C18orf32: variants seen among roughly 807,000 people sequenced by gnomAD.
C18orf32 encodes UPF0729 protein C18orf32.
Under a neutral mutation model 7.4 loss-of-function variants are expected in C18orf32, and 5 were observed. That is an observed-to-expected ratio of 0.68 (90% CI 0.35 to 1.42). The LOEUF is 1.42. Among genes scored for constraint, C18orf32 ranks in the 40% most tolerant of loss-of-function variants. The probability of loss-of-function intolerance (pLI) is 0.04; values close to 1 mark genes in which losing one functional copy is unlikely to be tolerated. For synonymous variants in C18orf32, 30 were observed against 29.3 expected (o/e 1.02, Z -0.08); for missense variants, 88 against 92.4 (o/e 0.95, Z 0.19).
In C18orf32 at chr18:49,479,408, C is replaced by T. The variant is rs2083642894; in HGVS notation, c.*2937G>A. The T allele has an allele frequency of 6.6e-6, 1 of 152,286 alleles. No individual in the cohort carries two copies. The highest frequency in any genetic ancestry group is 2.1e-4 in the South Asian group (1 of 4,836). The allele number at this position is 152,286 out of a possible 1,614,324, so 9.4% of individuals were successfully genotyped here. A position where few individuals can be genotyped will look rare whatever the true frequency, so the allele number is the denominator to read the frequency against. ...ATGGGGAGAAGGTAAACTGGTCACT[C>T]CAGGAAGACACCACCTGTATATTAA... On this transcript the variant is annotated 3_prime_UTR_variant, in exon 3 of 3. Coordinates refer to ENST00000318240, the MANE Select transcript of C18orf32 (RefSeq NM_001035005.4).
intron 2 of C18orf32, among the ~76,000 whole-genome samples, chr18:49,482,768 C>A (rs1300585362): frequency 6.8e-6 from 1 of 146,486 alleles, no homozygotes; most frequent in African/African-American, 2.5e-5. Flanking sequence ...ATTATTACAA[C>A]AAAAAGATAT....
chr18:49,482,304 G>A lies in C18orf32; in HGVS notation c.*41C>T. Reference sequence around the variant, plus strand: ...ACAAGGAAGATGCTTCATATTATCAGGTCCATTTTTTAAATGATGGGGTCC... The same window carrying A: ...ACAAGGAAGATGCTTCATATTATCAAGTCCATTTTTTAAATGATGGGGTCC... On this transcript the variant is annotated 3_prime_UTR_variant, in exon 3 of 3. Coordinates refer to ENST00000318240, the MANE Select transcript of C18orf32 (RefSeq NM_001035005.4). 7.4e-7 allele frequency: 1 copy of A among 1,353,954 alleles called. No homozygotes were observed. The highest frequency in any genetic ancestry group is 1.1e-6 in the Non-Finnish European group (1 of 944,652). The allele number at this position is 1,353,954 out of a possible 1,614,324, so 83.9% of individuals were successfully genotyped here.
intron 2 of C18orf32, 115 bp downstream of exon 2, chr18:49,483,469 G>T (rs1011122324): frequency 9.1e-6 from 12 of 1,318,990 alleles, no homozygotes; most frequent in Non-Finnish European, 1.2e-5. Flanking sequence ...TAAGCCAAAT[G>T]TTACACAAAC....
intron 1 of C18orf32, among the ~76,000 whole-genome samples, chr18:49,484,132 A>C (rs537176302): frequency 1.6e-5 from 1 of 63,280 alleles, no homozygotes; most frequent in African/African-American, 5.4e-5. Context: ...TTGTCTCAAA[A>C]AAAGAAAAAA....
chr18:49,481,114 T>G lies in C18orf32; in HGVS notation c.*1231A>C, dbSNP rs1227223853. On this transcript the variant is annotated 3_prime_UTR_variant, in exon 3 of 3. Coordinates refer to ENST00000318240, the MANE Select transcript of C18orf32 (RefSeq NM_001035005.4). Reference sequence around the variant, plus strand: ...AATAGTATTTATACCTTAAAAAAGTTTATTTGCTAATGAGAATTTATCTTA... The same window carrying G: ...AATAGTATTTATACCTTAAAAAAGTGTATTTGCTAATGAGAATTTATCTTA... 1 of 152,216 alleles carries G rather than the reference T, an allele frequency of 6.6e-6. No individual in the cohort carries two copies. The highest frequency in any genetic ancestry group is 1.5e-5 in the Non-Finnish European group (1 of 68,032). 9.4% of individuals were successfully genotyped at this position (152,216 alleles called of 1,614,324 possible). A position where few individuals can be genotyped will look rare whatever the true frequency, so the allele number is the denominator to read the frequency against.
rs1456691999 is a variant in C18orf32, at chr18:49,487,146, G to A, written c.-127C>T. On this transcript the variant is annotated 5_prime_UTR_variant, in exon 1 of 3. Transcript: ENST00000318240. Reference sequence around the variant, plus strand: ...GCCTAGGACTCTGCGAGCGCGGCCCGGGCTGGGCCTGCGGAGCAGCTACAA... The same window carrying A: ...GCCTAGGACTCTGCGAGCGCGGCCCAGGCTGGGCCTGCGGAGCAGCTACAA... The A allele has an allele frequency of 6.6e-6, 1 of 152,550 alleles. No homozygotes were observed. Among genetic ancestry groups the A allele is most frequent in the Non-Finnish European group, 1.5e-5 (1 of 68,328 alleles). The allele number at this position is 152,550 out of a possible 1,614,324, so 9.4% of individuals were successfully genotyped here.
chr18:49,482,464 T>A, intron 2 of C18orf32, 54 bp from the exon 3 acceptor site: 1 of 1,309,450 alleles, frequency 7.6e-7, no homozygotes. Context: ...TGCGGTGGCT[T>A]ATGCCTGTAA....
chr18:49,477,790 A>ACAAT lies in C18orf32; in HGVS notation c.*4554_*4555insATTG, dbSNP rs1452116366. 1 of 100,682 alleles carries ACAAT rather than the reference A, an allele frequency of 9.9e-6. No homozygotes were observed. Among genetic ancestry groups the ACAAT allele is most frequent in the African/African-American group, 4.6e-5 (1 of 21,604 alleles). 6.2% of individuals were successfully genotyped at this position (100,682 alleles called of 1,614,324 possible). ...AACTCCATCTTCCAAAAACAAACAAACAAACAAAAATATATATATATACAC... is the reference window on the plus strand; with the variant it reads ...AACTCCATCTTCCAAAAACAAACAAACAATCAAACAAAAATATATATATATACAC... On this transcript the variant is annotated 3_prime_UTR_variant, in exon 3 of 3. Transcript: ENST00000318240.
rs759291520 is a variant in C18orf32, at chr18:49,483,659, G to A, written c.90C>T (p.Pro30=). The change falls in exon 2 of 3, where the codon CCC becomes CCT. Residue 30 remains proline (P), a synonymous_variant. Coordinates refer to ENST00000318240, the MANE Select transcript of C18orf32 (RefSeq NM_001035005.4). ...TCTTAGGCCATATACGACTAACGAA[G>A]GGGGAAACCAGAGGGTATATATATG... The part of the protein sequence containing the change: ...LEPYIYPLVS[P]FVSRIWPKKA... 5.6e-6 allele frequency: 9 copies of A among 1,613,704 alleles called. No individual in the cohort carries two copies. In the South Asian group the frequency reaches 7.7e-5, roughly 14 times the overall value.
chr18:49,486,812 G>A (rs1230559703), intron 1 of C18orf32, among the ~76,000 whole-genome samples: 1 of 152,164 alleles, frequency 6.6e-6, no homozygotes, highest in Admixed American at 6.6e-5. Flanking sequence ...AGCGGGGACA[G>A]GTTGAGTCAA....
At chr18:49,486,697 CAGTT>C (rs1421683378) in intron 1 of C18orf32, 3 of 152,056 alleles carry the variant, frequency 2.0e-5, no homozygotes, top group African/African-American at 7.2e-5. Context: ...ACAGAGTAGA[CAGTT>C]AAAGTCTGAG....
At chr18:49,483,800 G>A (rs2083697771) in intron 1 of C18orf32, 29 bp from the exon 2 acceptor site, 3 of 1,579,262 alleles carry the variant, frequency 1.9e-6, no homozygotes, top group African/African-American at 1.4e-5. Flanking sequence ...AAAAAAATTA[G>A]TTCATCACAG....
rs914215812 is a variant in C18orf32, at chr18:49,478,834, T to C, written c.*3511A>G. ...CAAAATAAGAAAAATATGAACAAAA[T>C]AGTGAATTTTTCATAAAATTAACAC... On this transcript the variant is annotated 3_prime_UTR_variant, in exon 3 of 3. Transcript: ENST00000318240. 10 of 144,766 alleles carry C rather than the reference T, an allele frequency of 6.9e-5. 1 individual carries two copies. Among genetic ancestry groups the C allele is most frequent in the Admixed American group, 6.7e-4 (10 of 14,966 alleles). 9.0% of individuals were successfully genotyped at this position (144,766 alleles called of 1,614,324 possible).
In C18orf32 at chr18:49,477,799, A is replaced by AAT. The variant is rs1555768267; in HGVS notation, c.*4544_*4545dup. 10 of 140,656 alleles carry AAT rather than the reference A, an allele frequency of 7.1e-5. No homozygotes were observed. Among genetic ancestry groups the AAT allele is most frequent in the East Asian group, 2.0e-4 (1 of 5,082 alleles). 8.7% of individuals were successfully genotyped at this position (140,656 alleles called of 1,614,324 possible). A position where few individuals can be genotyped will look rare whatever the true frequency, so the allele number is the denominator to read the frequency against. On this transcript the variant is annotated 3_prime_UTR_variant, in exon 3 of 3. Coordinates refer to ENST00000318240, the MANE Select transcript of C18orf32 (RefSeq NM_001035005.4). ...TTCCAAAAACAAACAAACAAACAAA[A>AAT]ATATATATATATACACACACTATAT...
At chr18:49,483,874 C>G (rs377452792) in intron 1 of C18orf32, 103 bp from the exon 2 acceptor site, 1 of 1,348,526 alleles carries the variant, frequency 7.4e-7, no homozygotes, top group Non-Finnish European at 1.0e-6. Flanking sequence ...TGGTGGCTCA[C>G]GCCTGTAATC....
rs1193367786 is a variant in C18orf32, at chr18:49,483,694, A to AT, written c.54dup (p.Phe19IlefsTer15). ...AGAGGGTATATATATGGCTCCAGGA[A>AT]TTTTTTGTAGATCCAGAGCAGAACT... On this transcript the variant is annotated frameshift_variant, in exon 2 of 3. Coordinates refer to ENST00000318240, the MANE Select transcript of C18orf32 (RefSeq NM_001035005.4). LOFTEE classifies it high-confidence loss of function. 1 of 1,613,796 alleles carries AT rather than the reference A, an allele frequency of 6.2e-7. No homozygotes were observed. The highest frequency in any genetic ancestry group is 8.5e-7 in the Non-Finnish European group (1 of 1,179,968).
rs1415125701 is a variant in C18orf32 at position 49,482,191 on chromosome 18, GATATC to G, written c.*149_*153del. 7 of 648,544 alleles carry G rather than the reference GATATC, an allele frequency of 1.1e-5. No individual in the cohort carries two copies. Among genetic ancestry groups the G allele is most frequent in the East Asian group, 2.7e-5 (1 of 37,456 alleles). The allele number at this position is 648,544 out of a possible 1,614,324, so 40.2% of individuals were successfully genotyped here. ...TATAACTAACTACATTTTAAATACGGATATCATATATTTCCTGATTAGTATCAGGT... is the reference window on the plus strand; with the variant it reads ...TATAACTAACTACATTTTAAATACGGATATATTTCCTGATTAGTATCAGGT... On this transcript the variant is annotated 3_prime_UTR_variant, in exon 3 of 3. Transcript: ENST00000318240.
In C18orf32 at chr18:49,480,753, AGAGT is replaced by A. The variant is rs1481914648; in HGVS notation, c.*1588_*1591del. Reference sequence around the variant, plus strand: ...GCTGCTGCACTCCAGCTTGAGTGACAGAGTGAGACCCTGTCTCAAAAACATAAAT... The same window carrying A: ...GCTGCTGCACTCCAGCTTGAGTGACAGAGACCCTGTCTCAAAAACATAAAT... On this transcript the variant is annotated 3_prime_UTR_variant, in exon 3 of 3. Transcript: ENST00000318240. 2.6e-5 allele frequency: 4 copies of A among 152,222 alleles called. No individual in the cohort carries two copies. Among genetic ancestry groups the A allele is most frequent in the Non-Finnish European group, 4.4e-5 (3 of 68,038 alleles). The allele number at this position is 152,222 out of a possible 1,614,324, so 9.4% of individuals were successfully genotyped here.
At position 49,481,548 on chromosome 18, in the gene C18orf32, T is replaced by C. The variant is rs753318952; in HGVS notation, c.*797A>G. 6.9e-6 allele frequency: 1 copy of C among 145,460 alleles called. No individual in the cohort carries two copies. Among genetic ancestry groups the C allele is most frequent in the Admixed American group, 7.2e-5 (1 of 13,930 alleles). 9.0% of individuals were successfully genotyped at this position (145,460 alleles called of 1,614,324 possible). On this transcript the variant is annotated 3_prime_UTR_variant, in exon 3 of 3. Coordinates refer to ENST00000318240, the MANE Select transcript of C18orf32 (RefSeq NM_001035005.4). The stretch of plus-strand genomic sequence containing the variant: ...GTGTCTTGTTACGCAACAATAGTAA[T>C]TGTTGTCCCACCACTACACAGATGC...
Sources: allele counts gnomAD v4.1 joint callset (sites outside exome capture counted in the v4.1 genomes callset), GRCh38; gene constraint gnomAD v4.1.1; transcripts MANE v1.5; gene names NCBI Gene and HGNC (gene_info 2026-07-23, HGNC 2026-07-21).